The following ADGRV1 variants were observed in gnomAD, a reference collection of about 807,000 sequenced individuals.
The protein encoded by ADGRV1 is G-protein coupled receptor 98.
In ADGRV1, 359 loss-of-function variants were observed where a neutral mutation model predicts 596.2. That is an observed-to-expected ratio of 0.60 (90% CI 0.55 to 0.66). The LOEUF (loss-of-function observed/expected upper bound fraction) is 0.66. ADGRV1 is among the 30% of genes least tolerant of loss of function. ADGRV1 has a pLI of 0.00. For missense variants in ADGRV1, 7,274 were observed against 7,575.6 expected, an observed-to-expected ratio of 0.96 and a Z score of 1.48; for synonymous variants, 2,681 against 2,679.2, an observed-to-expected ratio of 1.00 and a Z score of -0.02.
chr5:90,810,420 G>A lies in ADGRV1; in HGVS notation c.15160G>A (p.Asp5054Asn), dbSNP rs868447820. 2 of 1,613,896 alleles carry A rather than the reference G, an allele frequency of 1.2e-6. No homozygotes were observed. The highest frequency in any genetic ancestry group is 8.5e-7 in the Non-Finnish European group (1 of 1,179,824). ...TTAGSAKPLEDFEPVQNGELF... is the reference protein window; with the variant it reads ...TTAGSAKPLENFEPVQNGELF... ...TGCAGGAAGCGCCAAGCCACTGGAAGATTTTGAGCCTGTTCAGAATGGGGA... is the reference window on the plus strand; with the variant it reads ...TGCAGGAAGCGCCAAGCCACTGGAAAATTTTGAGCCTGTTCAGAATGGGGA... Residue 5054 changes from aspartate (D) to asparagine (N), a missense_variant, in exon 74 of 90, where the codon GAT becomes AAT. Transcript: ENST00000405460.
At position 90,853,300 on chromosome 5, in the gene ADGRV1, G is replaced by A. The variant is rs1162070837; in HGVS notation, c.17221G>A (p.Asp5741Asn). Reference protein sequence around the residue: ...SPGEKSKTILDSCPYLSILAL... With the variant: ...SPGEKSKTILNSCPYLSILAL... ...CTGTTGTAGAAGCAAAACCATCCTT[G>A]ATAGTTGCCCATATTTGTCAATATT... The change falls in exon 80 of 90, where the codon GAT becomes AAT. Residue 5741 changes from aspartate (D) to asparagine (N), a missense_variant. This residue lies in a region of ADGRV1 where 1,874 missense variants were observed against 1,970.2 expected (regional missense o/e 0.95). Coordinates refer to ENST00000405460, the MANE Select transcript of ADGRV1 (RefSeq NM_032119.4). 1.2e-6 allele frequency: 2 copies of A among 1,608,720 alleles called. No individual in the cohort carries two copies. The highest frequency in any genetic ancestry group is 1.7e-6 in the Non-Finnish European group (2 of 1,176,546).
At position 90,835,994 on chromosome 5, in the gene ADGRV1, T is replaced by A. The variant is rs116428691; in HGVS notation, c.16612-4584T>A. Among the ~76,000 whole-genome samples, 1,211 of 152,314 alleles carry A rather than the reference T, an allele frequency of 8.0e-3. 15 individuals are homozygous for A. The highest frequency in any genetic ancestry group is 0.028 in the African/African-American group (1,159 of 41,582). On this transcript the variant is annotated intron_variant, in intron 77 of 89. Transcript: ENST00000405460. ...GAAGAATAAGCATATAAAATGATGT[T>A]CAACACCATTAGCTATTAGCAAAAT...
At chr5:90,749,984 T>G (rs932876307) in intron 52 of ADGRV1, among the ~76,000 whole-genome samples, 5 of 152,202 alleles carry the variant, frequency 3.3e-5, no homozygotes, top group Admixed American at 6.5e-5. Context: ...ACAGAAACAT[T>G]TCCGAGGATA....
At chr5:91,157,206 C>G (rs974296245) in intron 89 of ADGRV1, among the ~76,000 whole-genome samples, 1 of 152,174 alleles carries the variant, frequency 6.6e-6, no homozygotes, top group African/African-American at 2.4e-5. Flanking sequence ...AACAGTGGGC[C>G]TTCCATGTCT....
At chr5:90,667,090 T>G (rs1023753584) in intron 21 of ADGRV1, among the ~76,000 whole-genome samples, 2 of 151,878 alleles carry the variant, frequency 1.3e-5, no homozygotes, top group African/African-American at 4.8e-5. Context: ...TTATGTGTCT[T>G]GGAGTTGCTC....
chr5:90,899,576 G>T (rs1771645764), intron 83 of ADGRV1, among the ~76,000 whole-genome samples: 1 of 152,128 alleles, frequency 6.6e-6, no homozygotes, highest in South Asian at 2.1e-4. Context: ...ACTGTTCTTT[G>T]CTGGCCTTGA....
At chr5:90,974,131 C>G (rs1379089980) in intron 84 of ADGRV1, among the ~76,000 whole-genome samples, 1 of 151,998 alleles carries the variant, frequency 6.6e-6, no homozygotes, top group African/African-American at 2.4e-5. Flanking sequence ...ACCTAGGAAT[C>G]CAACTTACAA....
chr5:90,990,018 A>C (rs1426286276), intron 85 of ADGRV1, among the ~76,000 whole-genome samples: 1 of 152,058 alleles, frequency 6.6e-6, no homozygotes, highest in Non-Finnish European at 1.5e-5. Context: ...GGGTTTCTCC[A>C]CATTGGTCAG....
At chr5:90,690,112 C>A in intron 30 of ADGRV1, 36 bp downstream of exon 30, 1 of 1,148,670 alleles carries the variant, frequency 8.7e-7, no homozygotes, top group Non-Finnish European at 1.3e-6. Context: ...TTTGACTTGT[C>A]TGCATGTATA....
chr5:90,790,958 G>A lies in ADGRV1; in HGVS notation c.14129G>A (p.Ser4710Asn). The A allele has an allele frequency of 1.2e-6, 2 of 1,613,118 alleles. No individual in the cohort carries two copies. The highest frequency in any genetic ancestry group is 3.7e-4 in the Middle Eastern group (2 of 5,394). The change falls in exon 70 of 90, where the codon AGT (serine) becomes AAT (asparagine). Residue 4710 changes from serine (S) to asparagine (N), a missense_variant. Coordinates refer to ENST00000405460, the MANE Select transcript of ADGRV1 (RefSeq NM_032119.4). ...TTTTTCACCATTGCTGATGGAGAGA[G>A]TGAAGCTAGCTTTGATGTTCATTTG... ...SGFFTIADGE[S>N]EASFDVHLLP...
intron 87 of ADGRV1, among the ~76,000 whole-genome samples, chr5:91,138,774 T>C (rs1368015673): frequency 7.2e-6 from 1 of 138,602 alleles, no homozygotes; most frequent in Non-Finnish European, 1.6e-5. Flanking sequence ...TTGGTAAACT[T>C]TTTTTTTTTT....
chr5:90,986,644 A>G (rs1780522228), intron 85 of ADGRV1, among the ~76,000 whole-genome samples: 1 of 149,682 alleles, frequency 6.7e-6, no homozygotes, highest in Admixed American at 6.7e-5. Context: ...TTGAAATTCA[A>G]AAGACTCCCT....
intron 17 of ADGRV1, among the ~76,000 whole-genome samples, chr5:90,648,206 C>T (rs1452333872): frequency 6.6e-6 from 1 of 152,154 alleles, no homozygotes; most frequent in Admixed American, 6.5e-5. Context: ...TTTGATAATT[C>T]TCTGGAGCCA....
At chr5:90,850,519 T>C (rs921497805) in intron 79 of ADGRV1, among the ~76,000 whole-genome samples, 4 of 152,186 alleles carry the variant, frequency 2.6e-5, no homozygotes, top group African/African-American at 7.2e-5. Context: ...TTGCACTAAG[T>C]GAGGCCACAG....
intron 83 of ADGRV1, among the ~76,000 whole-genome samples, chr5:90,877,435 A>G (rs1482099980): frequency 6.6e-6 from 1 of 152,190 alleles, no homozygotes; most frequent in Non-Finnish European, 1.5e-5. Flanking sequence ...TTTGGGTTCC[A>G]CAGATACATT....
intron 83 of ADGRV1, among the ~76,000 whole-genome samples, chr5:90,925,974 G>T (rs1429488655): frequency 3.0e-5 from 4 of 131,630 alleles, no homozygotes; most frequent in Non-Finnish European, 6.5e-5. Context: ...GCATCCCAGG[G>T]ATGAAGCCCA....
At chr5:90,772,735 C>T (rs1307435169) in intron 59 of ADGRV1, among the ~76,000 whole-genome samples, 2 of 152,174 alleles carry the variant, frequency 1.3e-5, no homozygotes, top group Non-Finnish European at 2.9e-5. Flanking sequence ...TCAGTAGCAC[C>T]TTGGAGAAAT....
At chr5:90,660,281 C>A (rs959019154) in intron 21 of ADGRV1, among the ~76,000 whole-genome samples, 13 of 151,830 alleles carry the variant, frequency 8.6e-5, no homozygotes, top group South Asian at 2.1e-4. Flanking sequence ...TTTAATTTTT[C>A]ATTTGAATAT....
intron 83 of ADGRV1, among the ~76,000 whole-genome samples, chr5:90,936,729 C>T (rs1177288202): frequency 6.6e-6 from 1 of 152,012 alleles, no homozygotes; most frequent in Non-Finnish European, 1.5e-5. Flanking sequence ...GCATATAGTG[C>T]TTTTCACTGT....
Sources: allele counts gnomAD v4.1 joint callset (sites outside exome capture counted in the v4.1 genomes callset), GRCh38; gene constraint gnomAD v4.1.1; regional missense constraint gnomAD v4.1.1; transcripts MANE v1.5; gene names NCBI Gene and HGNC (gene_info 2026-07-23, HGNC 2026-07-21).